Variants in FAM200B observed in about 807,000 individuals in gnomAD.
FAM200B encodes zinc finger BED-type containing 11, also known as protein FAM200B.
FAM200B carries 32 observed loss-of-function variants against 33.1 expected under a neutral mutation model. That is an observed-to-expected ratio of 0.97 (90% CI 0.73 to 1.30). The LOEUF (loss-of-function observed/expected upper bound fraction) is 1.30. Among genes scored for constraint, FAM200B ranks in the 50% most tolerant of loss-of-function variants. The probability of loss-of-function intolerance (pLI) is 0.00; values close to 1 mark genes in which losing one functional copy is unlikely to be tolerated. For synonymous variants in FAM200B, 240 were observed against 264.8 expected (o/e 0.91, Z 0.91); for missense variants, 741 against 754.0 (o/e 0.98, Z 0.20).
chr4:15,638,175 G>T, the FAM200B span, among the ~76,000 whole-genome samples: 1 of 152,174 alleles, frequency 6.6e-6, no homozygotes, highest in Non-Finnish European at 1.5e-5. Context: ...CTGTGTAATG[G>T]TAGTTTTCAA....
rs1719269475 is a variant in FAM200B at position 15,690,227 on chromosome 4, G to A, written c.*1276G>A. ...TGTATATTGTGTAATATACAATGTA[G>A]TCTTCAAACTAATTTCAACTTCTGC... On this transcript the variant is annotated 3_prime_UTR_variant, in exon 2 of 2. Transcript: ENST00000422728. 6.0e-6 allele frequency: 1 copy of A among 166,996 alleles called. No individual in the cohort carries two copies. 10.3% of individuals were successfully genotyped at this position (166,996 alleles called of 1,614,324 possible).
the FAM200B span, among the ~76,000 whole-genome samples, chr4:15,649,159 A>G: frequency 6.6e-6 from 1 of 152,174 alleles, no homozygotes; most frequent in East Asian, 1.9e-4. Flanking sequence ...AAGTGAAAAC[A>G]AAGCCAAAAA....
At chr4:15,647,878 G>C in the FAM200B span, among the ~76,000 whole-genome samples, 2 of 152,140 alleles carry the variant, frequency 1.3e-5, no homozygotes, top group Non-Finnish European at 2.9e-5. Context: ...TTTTGAGACA[G>C]GGTCTTGCTC....
At chr4:15,671,254 TTC>T in the FAM200B span, among the ~76,000 whole-genome samples, 5 of 151,908 alleles carry the variant, frequency 3.3e-5, no homozygotes, top group African/African-American at 9.7e-5. Context: ...GACAGGGTTT[TTC>T]TCTGTTTGGT....
At chr4:15,671,873 C>A in the FAM200B span, among the ~76,000 whole-genome samples, 33 of 152,298 alleles carry the variant, frequency 2.2e-4, no homozygotes, top group Admixed American at 5.9e-4. Flanking sequence ...TCACACACTG[C>A]AGTTTTCATC....
the FAM200B span, chr4:15,644,448 G>A: frequency 1.8e-5 from 27 of 1,510,092 alleles, no homozygotes; most frequent in South Asian, 3.0e-4. Context: ...TATACCAGAA[G>A]ATGGCACAAG....
chr4:15,653,837 G>A, the FAM200B span, among the ~76,000 whole-genome samples: 129 of 152,154 alleles, frequency 8.5e-4, 1 homozygote, highest in Admixed American at 8.3e-3. Context: ...GCACTCAAAT[G>A]GAGAGCTTTA....
the FAM200B span, among the ~76,000 whole-genome samples, chr4:15,648,841 TGA>T: frequency 6.6e-6 from 1 of 152,210 alleles, no homozygotes; most frequent in South Asian, 2.1e-4. Flanking sequence ...TGAAATTTGC[TGA>T]GAGTACATCC....
the FAM200B span, among the ~76,000 whole-genome samples, chr4:15,643,187 T>A: frequency 6.6e-6 from 1 of 152,216 alleles, no homozygotes; most frequent in African/African-American, 2.4e-5. Flanking sequence ...CCCCACCAAG[T>A]AGCTACTAAG....
upstream of FAM200B, among the ~76,000 whole-genome samples, chr4:15,680,633 G>A (rs368672021): frequency 7.9e-5 from 12 of 152,072 alleles, no homozygotes; most frequent in South Asian, 6.2e-4. Context: ...CCGAGGCTGC[G>A]CCACTGCACT....
chr4:15,642,636 CTAA>C, the FAM200B span, among the ~76,000 whole-genome samples: 1 of 152,192 alleles, frequency 6.6e-6, no homozygotes, highest in Admixed American at 6.5e-5. Flanking sequence ...AATATTCAGT[CTAA>C]TGTCCTGTTC....
the FAM200B span, chr4:15,655,229 T>G: frequency 7.0e-7 from 1 of 1,437,218 alleles, no homozygotes; most frequent in Non-Finnish European, 9.3e-7. Context: ...CCCCACCAGC[T>G]GCTTCATCCG....
At chr4:15,655,348 G>A in the FAM200B span, 13 of 1,263,394 alleles carry the variant, frequency 1.0e-5, no homozygotes, top group African/African-American at 1.4e-4. Context: ...AGACACCCTC[G>A]CCGCGGGGCA....
intron 1 of FAM200B, among the ~76,000 whole-genome samples, chr4:15,684,449 G>A (rs973711333): frequency 2.0e-5 from 3 of 152,198 alleles, no homozygotes; most frequent in East Asian, 3.8e-4. Context: ...GTTTTGTTTA[G>A]CACTGTTTTT....
chr4:15,654,583 A>G, the FAM200B span, among the ~76,000 whole-genome samples: 2 of 152,244 alleles, frequency 1.3e-5, no homozygotes, highest in Admixed American at 1.3e-4. Context: ...AACGATAACG[A>G]CACATGAAGA....
At chr4:15,664,547 A>G in the FAM200B span, among the ~76,000 whole-genome samples, 2 of 119,588 alleles carry the variant, frequency 1.7e-5, no homozygotes, top group East Asian at 2.5e-4. Flanking sequence ...GTGGGCCCTC[A>G]TCCTTTTTTT....
the FAM200B span, among the ~76,000 whole-genome samples, chr4:15,666,329 G>A: frequency 2.0e-5 from 3 of 151,980 alleles, no homozygotes; most frequent in Non-Finnish European, 2.9e-5. Context: ...AGCCCAGGAT[G>A]GTCCAGCCTG....
At chr4:15,664,616 G>A in the FAM200B span, among the ~76,000 whole-genome samples, 1 of 127,834 alleles carries the variant, frequency 7.8e-6, no homozygotes, top group African/African-American at 3.0e-5. Context: ...GGAGTGCAAT[G>A]GTACGATCTC....
chr4:15,661,101 CT>C, the FAM200B span, among the ~76,000 whole-genome samples: 1 of 151,932 alleles, frequency 6.6e-6, no homozygotes, highest in Non-Finnish European at 1.5e-5. Flanking sequence ...GTTAGGTAAC[CT>C]TTAACGAATC....
Sources: allele counts gnomAD v4.1 joint callset (sites outside exome capture counted in the v4.1 genomes callset), GRCh38; gene constraint gnomAD v4.1.1; transcripts MANE v1.5; gene names NCBI Gene and HGNC (gene_info 2026-07-23, HGNC 2026-07-21).